GRID2: variants seen among roughly 807,000 people sequenced by gnomAD.
GRID2 encodes glutamate ionotropic receptor delta type subunit 2.
A neutral mutation model predicts 114.8 loss-of-function variants in GRID2; 33 were observed. The ratio of observed to expected loss-of-function variants is 0.29; its 90% CI spans 0.22 to 0.38. GRID2 has a LOEUF of 0.38. Among genes scored for constraint, GRID2 ranks in the 10% least tolerant of loss-of-function variants. The pLI is 1.00. For synonymous variants in GRID2, 505 were observed against 449.9 expected (o/e 1.12, Z -1.55); for missense variants, 1,184 against 1,257.7 (o/e 0.94, Z 0.89).
chr4:93,192,554 CA>C lies in GRID2; in HGVS notation c.736-14848del, dbSNP rs1311910803. 2.6e-5 allele frequency among the ~76,000 whole-genome samples: 4 copies of C among 151,984 alleles called. No individual in the cohort carries two copies. In the East Asian group the frequency reaches 7.8e-4, roughly 30 times the overall value. ...GTCAGGAGTTCAAGACCAGCCTGGCCAACACGTGGAAAGGCAAAACCCATTG... is the reference window on the plus strand; with the variant it reads ...GTCAGGAGTTCAAGACCAGCCTGGCCACACGTGGAAAGGCAAAACCCATTG... On this transcript the variant is annotated intron_variant, in intron 4 of 15. Coordinates refer to ENST00000282020, the MANE Select transcript of GRID2 (RefSeq NM_001510.4).
chr4:93,802,897 T>G (rs909751244), intron 1 of GRID2, among the ~76,000 whole-genome samples: 1 of 152,240 alleles, frequency 6.6e-6, no homozygotes, highest in Non-Finnish European at 1.5e-5. Context: ...CCCTGTGTCC[T>G]GTTTAAAAGT....
At position 93,789,636 on chromosome 4, in the gene GRID2, T is replaced by C. The variant is rs149488590; in HGVS notation, c.222-17079T>C. On this transcript the variant is annotated intron_variant, in intron 1 of 1. Coordinates refer to the GRID2 transcript ENST00000637838. ...ACAGTAAAACTTCCAAATGGCCTCA[T>C]ATTTTTCTATTCTCATCAGAATAAT... Among the ~76,000 whole-genome samples the C allele has an allele frequency of 8.5e-5, 13 of 152,352 alleles. No homozygotes were observed. In the East Asian group the frequency reaches 2.1e-3, roughly 25 times the overall value.
intron 2 of GRID2, among the ~76,000 whole-genome samples, chr4:92,701,288 C>G (rs1734665096): frequency 6.6e-6 from 1 of 151,976 alleles, no homozygotes; most frequent in African/African-American, 2.4e-5. Context: ...CTCTACTAAC[C>G]CTTGGTATGA....
chr4:93,722,794 A>G (rs1426029690), intron 14 of GRID2, among the ~76,000 whole-genome samples: 1 of 152,228 alleles, frequency 6.6e-6, no homozygotes, highest in Non-Finnish European at 1.5e-5. Flanking sequence ...ATTCTGGAGA[A>G]TTGAATACCT....
chr4:92,841,743 C>A (rs1414071054), intron 2 of GRID2, among the ~76,000 whole-genome samples: 2 of 152,056 alleles, frequency 1.3e-5, no homozygotes, highest in Non-Finnish European at 2.9e-5. Context: ...GCTACCTTAT[C>A]ACTAACAATA....
chr4:93,334,710 C>T (rs1394508847), intron 8 of GRID2, among the ~76,000 whole-genome samples: 2 of 152,228 alleles, frequency 1.3e-5, no homozygotes, highest in South Asian at 2.1e-4. Context: ...AGGCAGATCA[C>T]CTGAGGTGAG....
chr4:93,154,581 T>G (rs952203808), intron 4 of GRID2, among the ~76,000 whole-genome samples: 1 of 151,986 alleles, frequency 6.6e-6, no homozygotes, highest in Non-Finnish European at 1.5e-5. Context: ...CAATGTACAG[T>G]AAGTAAGACA....
At chr4:92,966,429 T>C (rs535461284) in intron 2 of GRID2, among the ~76,000 whole-genome samples, 16 of 152,100 alleles carry the variant, frequency 1.1e-4, no homozygotes, top group African/African-American at 3.4e-4. Context: ...ATGCTCATGA[T>C]TCACATTATG....
At chr4:93,337,588 T>C (rs992039636) in intron 8 of GRID2, among the ~76,000 whole-genome samples, 9 of 152,186 alleles carry the variant, frequency 5.9e-5, no homozygotes, top group Non-Finnish European at 1.2e-4. Context: ...ACCTGTTCTT[T>C]GCTTTGAAGG....
At chr4:92,476,041 T>G (rs1270078983) in intron 1 of GRID2, among the ~76,000 whole-genome samples, 1 of 149,272 alleles carries the variant, frequency 6.7e-6, no homozygotes, top group Non-Finnish European at 1.5e-5. Context: ...TTTTTTTTTT[T>G]GTGACGGAGT....
chr4:93,539,846 T>G (rs1295387845), intron 13 of GRID2, among the ~76,000 whole-genome samples: 1 of 152,030 alleles, frequency 6.6e-6, no homozygotes, highest in Non-Finnish European at 1.5e-5. Context: ...TTGTGGTATC[T>G]CTTCTTGGTT....
intron 14 of GRID2, among the ~76,000 whole-genome samples, chr4:93,677,723 G>C (rs1275395936): frequency 1.3e-5 from 2 of 152,140 alleles, no homozygotes; most frequent in Non-Finnish European, 2.9e-5. Context: ...AGAGGGTCCT[G>C]TCTGTTAGAA....
chr4:92,654,368 T>C (rs1732122336), intron 2 of GRID2, among the ~76,000 whole-genome samples: 1 of 151,938 alleles, frequency 6.6e-6, no homozygotes, highest in African/African-American at 2.4e-5. Flanking sequence ...TCTAATACCA[T>C]CACACTAGCA....
chr4:92,793,461 G>A (rs1192634491), intron 2 of GRID2, among the ~76,000 whole-genome samples: 2 of 151,332 alleles, frequency 1.3e-5, no homozygotes, highest in African/African-American at 4.9e-5. Flanking sequence ...TAACACCTGG[G>A]AGATGAAATA....
chr4:92,922,949 G>A (rs79461961), intron 2 of GRID2, among the ~76,000 whole-genome samples: 2,236 of 152,292 alleles, frequency 0.015, 20 homozygotes, highest in East Asian at 0.054. Flanking sequence ...ATATTCTGCT[G>A]TTTGTTCTGT....
chr4:93,024,138 T>C (rs562790731), intron 2 of GRID2, among the ~76,000 whole-genome samples: 1 of 151,926 alleles, frequency 6.6e-6, no homozygotes, highest in African/African-American at 2.4e-5. Flanking sequence ...AAACCTGGCA[T>C]TTATTTTTGT....
chr4:92,942,140 T>C (rs570588683), intron 2 of GRID2, among the ~76,000 whole-genome samples: 27 of 152,166 alleles, frequency 1.8e-4, no homozygotes, highest in South Asian at 1.0e-3. Context: ...CTTTCTGTCT[T>C]GTTGATCTGT....
chr4:93,018,253 T>A (rs1722961483), intron 2 of GRID2, among the ~76,000 whole-genome samples: 1 of 150,856 alleles, frequency 6.6e-6, no homozygotes, highest in South Asian at 2.1e-4. Context: ...CAAGGAAGTT[T>A]CAGTTACTCA....
intron 2 of GRID2, among the ~76,000 whole-genome samples, chr4:92,949,600 G>A (rs113783458): frequency 4.6e-5 from 7 of 151,444 alleles, no homozygotes; most frequent in African/African-American, 1.7e-4. Context: ...AAAAGTAATT[G>A]CTTTAGCAAT....
Sources: gnomAD v4.1 joint callset for allele counts (sites outside exome capture counted in the v4.1 genomes callset) on GRCh38, gnomAD v4.1.1 for gene constraint, MANE v1.5 for transcripts, NCBI Gene and HGNC (gene_info 2026-07-23, HGNC 2026-07-21) for gene names.